The following COL11A1 variants were observed in gnomAD, a reference collection of about 807,000 sequenced individuals.
The protein encoded by COL11A1 is collagen alpha-1(XI) chain.
COL11A1 carries 74 observed loss-of-function variants against 265.2 expected under a neutral mutation model. The ratio of observed to expected loss-of-function variants is 0.28; its 90% CI spans 0.23 to 0.34. The LOEUF (loss-of-function observed/expected upper bound fraction) is 0.34, where lower values mean the gene tolerates loss of function less well. Ranked by LOEUF, COL11A1 falls within the 10% of genes least tolerant of loss-of-function variation. The pLI, the probability that COL11A1 is intolerant of heterozygous loss-of-function variation, is 1.00. For synonymous variants in COL11A1, 816 were observed against 727.6 expected (o/e 1.12, Z -1.96); for missense variants, 2,165 against 2,263.6 (o/e 0.96, Z 0.88).
At chr1:102,931,602 A>G (rs1259254806) in intron 46 of COL11A1, among the ~76,000 whole-genome samples, 2 of 152,086 alleles carry the variant, frequency 1.3e-5, no homozygotes, top group African/African-American at 4.8e-5. Context: ...GTAGATGTCT[A>G]TTAGGTCCAC....
rs573123540 is a variant in COL11A1 at position 102,940,315 on chromosome 1, A to C, written c.3384+12T>G. On this transcript the variant is annotated intron_variant, in intron 43 of 66. Coordinates refer to ENST00000370096, the MANE Select transcript of COL11A1 (RefSeq NM_001854.4). ...TTCACAGGATCTACTAACACGAATA[A>C]TGAATACCAACCTTGTCTCCGTCTT... is the stretch of plus-strand genomic sequence containing the variant. 15 of 1,604,180 alleles carry C rather than the reference A, an allele frequency of 9.4e-6. No homozygotes were observed. The highest frequency in any genetic ancestry group is 1.3e-5 in the Non-Finnish European group (15 of 1,171,102).
intron 31 of COL11A1, among the ~76,000 whole-genome samples, chr1:102,983,496 G>A (rs573283291): frequency 1.3e-5 from 2 of 152,156 alleles, no homozygotes; most frequent in African/African-American, 4.8e-5. Flanking sequence ...AAAAAGGCCA[G>A]TTAAGAAGGG....
intron 54 of COL11A1, among the ~76,000 whole-genome samples, chr1:102,911,898 T>G (rs1279539632): frequency 6.6e-6 from 1 of 152,210 alleles, no homozygotes; most frequent in Admixed American, 6.5e-5. Flanking sequence ...CTACTACATT[T>G]GTACAAAGGG....
intron 46 of COL11A1, among the ~76,000 whole-genome samples, chr1:102,926,184 G>A (rs1656579133): frequency 1.3e-5 from 2 of 152,010 alleles, no homozygotes; most frequent in Admixed American, 1.3e-4. Context: ...CTTGTTGCAT[G>A]GAACTAAACA....
chr1:102,998,091 G>C (rs973070786), intron 25 of COL11A1, among the ~76,000 whole-genome samples: 9 of 151,774 alleles, frequency 5.9e-5, no homozygotes, highest in Non-Finnish European at 1.2e-4. Flanking sequence ...TTCTGGCTTG[G>C]AGTGCCAAAT....
chr1:103,005,787 C>T, intron 18 of COL11A1, 51 bp downstream of exon 18: 1 of 1,602,298 alleles, frequency 6.2e-7, no homozygotes, highest in Non-Finnish European at 8.5e-7. Flanking sequence ...GTTATCAATT[C>T]TAAAATATTT....
intron 5 of COL11A1, among the ~76,000 whole-genome samples, chr1:103,026,976 C>T (rs998591743): frequency 1.3e-5 from 2 of 151,768 alleles, no homozygotes; most frequent in Non-Finnish European, 2.9e-5. Flanking sequence ...GCACAAAATC[C>T]TTGTGAGACA....
intron 9 of COL11A1, among the ~76,000 whole-genome samples, chr1:103,019,391 A>G (rs917237288): frequency 1.3e-5 from 2 of 152,152 alleles, no homozygotes; most frequent in Non-Finnish European, 2.9e-5. Context: ...ACTCAGTTCT[A>G]AAACATTTAT....
intron 30 of COL11A1, among the ~76,000 whole-genome samples, chr1:102,985,268 G>C (rs1001954197): frequency 1.3e-5 from 2 of 151,964 alleles, no homozygotes; most frequent in African/African-American, 4.8e-5. Context: ...ATGAACAGAA[G>C]CTTATAAATA....
chr1:103,083,609 C>T (rs1001307708), intron 1 of COL11A1, among the ~76,000 whole-genome samples: 1 of 152,038 alleles, frequency 6.6e-6, no homozygotes, highest in Non-Finnish European at 1.5e-5. Flanking sequence ...AATACAATGC[C>T]TTTTTCAGTG....
intron 59 of COL11A1, 46 bp downstream of exon 59, chr1:102,889,409 G>GTGTGTGTGTT: frequency 6.0e-6 from 7 of 1,163,112 alleles, no homozygotes; most frequent in Non-Finnish European, 9.1e-6. Flanking sequence ...GTGTGTGTGT[G>GTGTGTGTGTT]TATTATTGGA....
intron 24 of COL11A1, among the ~76,000 whole-genome samples, chr1:102,999,294 A>G (rs527337398): frequency 3.3e-5 from 5 of 152,146 alleles, no homozygotes; most frequent in African/African-American, 9.6e-5. Flanking sequence ...TAGAACAAAA[A>G]TGAATTAAAA....
At chr1:103,047,261 T>C (rs138938815) in intron 4 of COL11A1, among the ~76,000 whole-genome samples, 2,054 of 152,300 alleles carry the variant, frequency 0.013, 46 homozygotes, top group African/African-American at 0.046. Flanking sequence ...CTTCCATTTG[T>C]TTGTATCCTC....
At chr1:102,988,707 AC>A (rs1663824230) in intron 29 of COL11A1, among the ~76,000 whole-genome samples, 1 of 152,174 alleles carries the variant, frequency 6.6e-6, no homozygotes. Context: ...ATCATATATG[AC>A]ATTAAATTGC....
intron 49 of COL11A1, among the ~76,000 whole-genome samples, chr1:102,915,997 T>C (rs1655295730): frequency 6.6e-6 from 1 of 152,160 alleles, no homozygotes; most frequent in African/African-American, 2.4e-5. Context: ...ATATTGTGTA[T>C]TTGCACTGTG....
intron 41 of COL11A1, among the ~76,000 whole-genome samples, chr1:102,951,696 C>T (rs1385712770): frequency 1.3e-5 from 2 of 152,026 alleles, no homozygotes; most frequent in Middle Eastern, 3.4e-3. Context: ...GCCGATATCG[C>T]GCCACTGCAC....
chr1:102,917,241 A>G (rs1450603233), intron 49 of COL11A1, among the ~76,000 whole-genome samples: 1 of 151,962 alleles, frequency 6.6e-6, no homozygotes, highest in African/African-American at 2.4e-5. Context: ...AAAGGAAAAG[A>G]TCCTCTTTTC....
chr1:103,093,350 T>C (rs1344920091), intron 1 of COL11A1, among the ~76,000 whole-genome samples: 1 of 152,058 alleles, frequency 6.6e-6, no homozygotes, highest in Non-Finnish European at 1.5e-5. Flanking sequence ...AGCAAACCAT[T>C]TCCCAGATAC....
Position 102,962,284 on chromosome 1 carries a change from A to G in COL11A1, c.3025-19T>C, listed in dbSNP as rs2101572940. On this transcript the variant is annotated intron_variant, in intron 39 of 66. Transcript: ENST00000370096. ...GATCACCCTAAAGAATATAATAAAC[A>G]TCGTCAAGACAGATTAATTTCTACA... The G allele has an allele frequency of 2.6e-6, 4 of 1,567,546 alleles. No individual in the cohort carries two copies. The highest frequency in any genetic ancestry group is 3.5e-6 in the Non-Finnish European group (4 of 1,137,658).
Sources: allele counts gnomAD v4.1 joint callset (sites outside exome capture counted in the v4.1 genomes callset), GRCh38; gene constraint gnomAD v4.1.1; transcripts MANE v1.5; gene names NCBI Gene and HGNC (gene_info 2026-07-23, HGNC 2026-07-21).